AOPEP: variants seen among roughly 807,000 people sequenced by gnomAD.
AOPEP encodes the protein aminopeptidase O (putative), also known as aminopeptidase O.
AOPEP carries 77 observed loss-of-function variants against 98.1 expected under a neutral mutation model. That is an observed-to-expected ratio of 0.78 (90% CI 0.65 to 0.95). The LOEUF is 0.95. Ranked by LOEUF, AOPEP falls within the 40% of genes least tolerant of loss-of-function variation. The pLI is 0.00. For missense variants in AOPEP, 1,024 were observed against 1,024.7 expected (o/e 1.00, Z 0.01); for synonymous variants, 346 against 365.3 (o/e 0.95, Z 0.60).
At chr9:94,912,664 A>C (rs2052234472) in intron 5 of AOPEP, among the ~76,000 whole-genome samples, 1 of 152,244 alleles carries the variant, frequency 6.6e-6, no homozygotes, top group Non-Finnish European at 1.5e-5. Context: ...GCAGAGACTA[A>C]AGAGTAGGAA....
Position 94,771,928 on chromosome 9 carries a change from A to T in AOPEP, c.798-1074A>T, listed in dbSNP as rs1343695688. On this transcript the variant is annotated intron_variant, in intron 2 of 16. Transcript: ENST00000375315. ...TTAAACTCATTCCCGAGTTTAAATT[A>T]CCTGTTTGTTAAGACCTAGACTGGT... 3.3e-5 allele frequency among the ~76,000 whole-genome samples: 5 copies of T among 152,132 alleles called. No individual in the cohort carries two copies. The East Asian group carries it at 9.6e-4, about 29-fold the overall frequency.
chr9:94,788,723 G>A (rs1844994316), intron 3 of AOPEP, among the ~76,000 whole-genome samples: 1 of 152,180 alleles, frequency 6.6e-6, no homozygotes. Flanking sequence ...AAGCCTGGCT[G>A]TCAGCCTTCT....
chr9:94,879,599 G>C (rs1460577764), intron 5 of AOPEP, among the ~76,000 whole-genome samples: 2 of 152,168 alleles, frequency 1.3e-5, no homozygotes, highest in African/African-American at 2.4e-5. Context: ...CTTAGCTGCT[G>C]GCACAGCACC....
chr9:95,002,474 C>T (rs1331661086), intron 11 of AOPEP, among the ~76,000 whole-genome samples: 1 of 152,102 alleles, frequency 6.6e-6, no homozygotes, highest in Admixed American at 6.5e-5. Flanking sequence ...GTAAATTTGA[C>T]TTTAGTGAAT....
chr9:94,845,061 G>C (rs1356149650), intron 5 of AOPEP, among the ~76,000 whole-genome samples: 5 of 152,262 alleles, frequency 3.3e-5, no homozygotes, highest in Non-Finnish European at 7.3e-5. Context: ...TATGGAACTT[G>C]AGTTCTGCTA....
intron 1 of AOPEP, 92 bp from the exon 2 acceptor site, chr9:94,759,557 A>G: frequency 1.9e-6 from 1 of 517,750 alleles, no homozygotes; most frequent in Non-Finnish European, 3.4e-6. Flanking sequence ...GGGATTATTT[A>G]AGGATGGTGG....
At chr9:95,043,828 C>G (rs1237963564) in intron 13 of AOPEP, among the ~76,000 whole-genome samples, 1 of 152,164 alleles carries the variant, frequency 6.6e-6, no homozygotes, top group Non-Finnish European at 1.5e-5. Flanking sequence ...CCATGCCTGG[C>G]TAATTTTTGT....
At chr9:94,765,574 C>G (rs568781765) in intron 2 of AOPEP, among the ~76,000 whole-genome samples, 1 of 151,240 alleles carries the variant, frequency 6.6e-6, no homozygotes, top group East Asian at 2.0e-4. Context: ...TGCACTCCAG[C>G]CTGGGCGACA....
intron 3 of AOPEP, among the ~76,000 whole-genome samples, chr9:94,791,787 C>T (rs1450181763): frequency 1.3e-5 from 2 of 151,956 alleles, no homozygotes; most frequent in African/African-American, 4.8e-5. Flanking sequence ...GCAGTTTATC[C>T]AAGTTTGTTA....
chr9:94,916,523 T>A (rs1013165480), intron 5 of AOPEP, among the ~76,000 whole-genome samples: 4 of 151,866 alleles, frequency 2.6e-5, no homozygotes, highest in African/African-American at 9.7e-5. Context: ...GCCAACATGG[T>A]GAAACTCCCG....
the AOPEP span, among the ~76,000 whole-genome samples, chr9:95,109,245 G>C: frequency 2.9e-4 from 44 of 152,116 alleles, no homozygotes; most frequent in African/African-American, 1.0e-3. Context: ...GTAACAGAAT[G>C]CTATTCCATG....
chr9:95,003,802 A>G (rs41281184), intron 11 of AOPEP: 334 of 154,840 alleles, frequency 2.2e-3, no homozygotes, highest in Non-Finnish European at 3.4e-3. Context: ...TAACACGTCT[A>G]TTTATATTGC....
chr9:94,753,807 A>G (rs909344343), intron 1 of AOPEP, among the ~76,000 whole-genome samples: 10 of 152,240 alleles, frequency 6.6e-5, no homozygotes, highest in Non-Finnish European at 2.9e-5. Context: ...AGTAGGTATG[A>G]CAGTATTAAC....
In AOPEP at chr9:95,034,778, C is replaced by T. The variant is rs547058331; in HGVS notation, c.2116-25916C>T. Among the ~76,000 whole-genome samples the T allele has an allele frequency of 1.3e-3, 196 of 152,218 alleles. 1 individual carries two copies. The highest frequency in any genetic ancestry group is 1.5e-3 in the Non-Finnish European group (99 of 68,002). On this transcript the variant is annotated intron_variant, in intron 13 of 16. Transcript: ENST00000375315. Reference sequence around the variant, plus strand: ...CAACATGAAGCACACTGAGATAAAGCGGATCCTGGTTTGCTGATACAGATC... The same window carrying T: ...CAACATGAAGCACACTGAGATAAAGTGGATCCTGGTTTGCTGATACAGATC...
chr9:94,928,169 G>T (rs1387028010), intron 6 of AOPEP, among the ~76,000 whole-genome samples: 2 of 152,196 alleles, frequency 1.3e-5, no homozygotes, highest in Non-Finnish European at 2.9e-5. Flanking sequence ...GGTGGGATGG[G>T]TGGGTTCCAG....
intron 16 of AOPEP, among the ~76,000 whole-genome samples, chr9:95,084,371 T>C (rs1202553446): frequency 2.6e-5 from 4 of 152,208 alleles, no homozygotes; most frequent in Non-Finnish European, 5.9e-5. Flanking sequence ...TCAGGAACCA[T>C]GTGTGCCAGG....
intron 1 of AOPEP, among the ~76,000 whole-genome samples, chr9:94,746,209 G>T (rs1834449916): frequency 2.0e-5 from 3 of 152,162 alleles, no homozygotes; most frequent in Non-Finnish European, 4.4e-5. Flanking sequence ...GTAGGTAGTG[G>T]ACCTCTGTTT....
At chr9:95,038,096 A>G (rs927586002) in intron 13 of AOPEP, among the ~76,000 whole-genome samples, 2 of 152,190 alleles carry the variant, frequency 1.3e-5, no homozygotes, top group African/African-American at 2.4e-5. Flanking sequence ...ACCGAAAGTT[A>G]TATGTACTGT....
intron 13 of AOPEP, among the ~76,000 whole-genome samples, chr9:95,040,713 T>TG (rs1462460073): frequency 5.3e-5 from 8 of 152,304 alleles, no homozygotes; most frequent in Admixed American, 5.2e-4. Context: ...CTCCTGGAGG[T>TG]GGGACCACAC....
Sources: allele counts gnomAD v4.1 joint callset (sites outside exome capture counted in the v4.1 genomes callset), GRCh38; gene constraint gnomAD v4.1.1; transcripts MANE v1.5; gene names NCBI Gene and HGNC (gene_info 2026-07-23, HGNC 2026-07-21).